The following TLL1 variants were observed in gnomAD, a reference collection of about 807,000 sequenced individuals.
The protein encoded by TLL1 is tolloid like 1.
In TLL1, 49 loss-of-function variants were observed where a neutral mutation model predicts 128.2. The observed-to-expected ratio is 0.38, with a 90% CI of 0.30 to 0.48. The LOEUF (loss-of-function observed/expected upper bound fraction) is 0.48, where lower values mean the gene tolerates loss of function less well. Among genes scored for constraint, TLL1 ranks in the 20% least tolerant of loss-of-function variants. The probability of loss-of-function intolerance (pLI) is 0.96; values close to 1 mark genes in which losing one functional copy is unlikely to be tolerated. For synonymous variants in TLL1, 454 were observed against 418.8 expected, an observed-to-expected ratio of 1.08 and a Z score of -1.03; for missense variants, 1,123 against 1,242.0, an observed-to-expected ratio of 0.90 and a Z score of 1.44.
intron 16 of TLL1, among the ~76,000 whole-genome samples, chr4:166,072,132 T>C (rs921308318): frequency 2.6e-5 from 4 of 152,022 alleles, no homozygotes; most frequent in Admixed American, 1.3e-4. Flanking sequence ...AGATGCTATT[T>C]TGATTAGTTC....
chr4:165,902,054 A>G (rs1732017727), intron 1 of TLL1, among the ~76,000 whole-genome samples: 1 of 152,104 alleles, frequency 6.6e-6, no homozygotes, highest in Non-Finnish European at 1.5e-5. Flanking sequence ...TGAGGGGAAA[A>G]CCGACTACTT....
At chr4:165,989,705 A>C (rs919666376) in intron 2 of TLL1, among the ~76,000 whole-genome samples, 1 of 150,042 alleles carries the variant, frequency 6.7e-6, no homozygotes, top group East Asian at 1.9e-4. Context: ...TATTTGCTAC[A>C]TACTAGGTCT....
chr4:166,043,560 C>A lies in TLL1; in HGVS notation c.1524+141C>A, dbSNP rs928029730. ...GAAGCAAAGGATCGCTCATAAAATGCAACATCAAGAGCAAAAGGGTTTTTT... is the reference window on the plus strand; with the variant it reads ...GAAGCAAAGGATCGCTCATAAAATGAAACATCAAGAGCAAAAGGGTTTTTT... On this transcript the variant is annotated intron_variant, in intron 12 of 20. Coordinates refer to ENST00000061240, the MANE Select transcript of TLL1 (RefSeq NM_012464.5). 9 of 1,256,254 alleles carry A rather than the reference C, an allele frequency of 7.2e-6. No individual in the cohort carries two copies. In the African/African-American group the frequency reaches 1.0e-4, roughly 15 times the overall value. The allele number at this position is 1,256,254 out of a possible 1,614,324, so 77.8% of individuals were successfully genotyped here.
intron 18 of TLL1, among the ~76,000 whole-genome samples, chr4:166,087,935 C>A (rs1340233685): frequency 6.6e-6 from 1 of 152,038 alleles, no homozygotes; most frequent in Non-Finnish European, 1.5e-5. Context: ...TGACTAGGGC[C>A]CATGGTTATT....
intron 9 of TLL1, among the ~76,000 whole-genome samples, chr4:166,033,122 T>C (rs966086360): frequency 3.3e-5 from 5 of 152,102 alleles, no homozygotes; most frequent in African/African-American, 1.2e-4. Context: ...CTCCTGAAAG[T>C]AGAAATTAAA....
chr4:165,881,437 C>A (rs1453318790), intron 1 of TLL1, among the ~76,000 whole-genome samples: 1 of 152,198 alleles, frequency 6.6e-6, no homozygotes, highest in Admixed American at 6.5e-5. Context: ...GATGACTTTC[C>A]TTTTTCAAAT....
chr4:166,057,280 A>G lies in TLL1; in HGVS notation c.1817A>G (p.Glu606Gly). ...SYQCACEPGY[E>G]LGPDRRSCEA... ...CAGTGTGCCTGTGAGCCTGGCTATG[A>G]GCTGGGCCCAGACAGAAGGAGCTGT... Residue 606 changes from glutamate to glycine, a missense_variant, in exon 14 of 21, where the codon GAG (glutamate) becomes GGG (glycine). Physicochemically the swap from Glu to Gly is moderately conservative, Grantham distance 98. Coordinates refer to ENST00000061240, the MANE Select transcript of TLL1 (RefSeq NM_012464.5). The G allele has an allele frequency of 6.2e-7, 1 of 1,613,890 alleles. No homozygotes were observed. Among genetic ancestry groups the G allele is most frequent in the Non-Finnish European group, 8.5e-7 (1 of 1,179,928 alleles).
intron 1 of TLL1, among the ~76,000 whole-genome samples, chr4:165,973,201 GAAGC>G (rs1735706699): frequency 6.6e-6 from 1 of 152,132 alleles, no homozygotes; most frequent in Admixed American, 6.5e-5. Context: ...AGGGATGAAA[GAAGC>G]AAGTAGTGGC....
rs138017521 is a variant in TLL1, at chr4:166,043,295, G to A, written c.1400G>A (p.Arg467His). 22 of 1,613,940 alleles carry A rather than the reference G, an allele frequency of 1.4e-5. No homozygotes were observed. In the African/African-American group the frequency reaches 2.1e-4, roughly 16 times the overall value. Residue 467 changes from arginine to histidine, a missense_variant, in exon 12 of 21, where the codon CGT (arginine) becomes CAT (histidine). This residue lies in a region of TLL1 where 634 missense variants were observed against 672.4 expected (regional missense o/e 0.94). Transcript: ENST00000061240. Reference sequence around the variant, plus strand: ...TCAGCGATCTGTGGAGGTGAGATACGTAAAAATGAAGGACAGATTCAGTCT... The same window carrying A: ...TCAGCGATCTGTGGAGGTGAGATACATAAAAATGAAGGACAGATTCAGTCT... ...VYEAICGGEI[R>H]KNEGQIQSPN...
chr4:166,082,625 A>T (rs1271154701), intron 18 of TLL1, among the ~76,000 whole-genome samples: 2 of 152,098 alleles, frequency 1.3e-5, no homozygotes, highest in Admixed American at 1.3e-4. Flanking sequence ...TGCGCAAAAT[A>T]AAAGCATTTT....
At chr4:165,915,591 C>T (rs1469128543) in intron 1 of TLL1, among the ~76,000 whole-genome samples, 2 of 152,244 alleles carry the variant, frequency 1.3e-5, no homozygotes, top group South Asian at 2.1e-4. Flanking sequence ...AAAACTGAGG[C>T]CCAAGTCGGC....
intron 1 of TLL1, among the ~76,000 whole-genome samples, chr4:165,886,077 C>A (rs888733200): frequency 2.0e-5 from 3 of 151,942 alleles, no homozygotes; most frequent in African/African-American, 4.8e-5. Context: ...ATTTTCAAAT[C>A]ATCGCCAAAG....
At chr4:165,932,784 A>G (rs1398676689) in intron 1 of TLL1, among the ~76,000 whole-genome samples, 2 of 152,036 alleles carry the variant, frequency 1.3e-5, no homozygotes, top group African/African-American at 4.8e-5. Context: ...CTTCTATTTT[A>G]TATGCATTGA....
At chr4:165,896,095 C>A (rs533801548) in intron 1 of TLL1, among the ~76,000 whole-genome samples, 1 of 152,034 alleles carries the variant, frequency 6.6e-6, no homozygotes, top group Non-Finnish European at 1.5e-5. Context: ...CCCCCTACCC[C>A]CAAGAGGCCC....
intron 12 of TLL1, 61 bp from the exon 13 acceptor site, chr4:166,055,015 C>A: frequency 1.5e-6 from 2 of 1,377,428 alleles, no homozygotes; most frequent in South Asian, 1.3e-5. Context: ...AGACATCTAT[C>A]CTCCTATATA....
chr4:165,947,217 A>T (rs1298573394), intron 1 of TLL1, among the ~76,000 whole-genome samples: 1 of 152,022 alleles, frequency 6.6e-6, no homozygotes, highest in Non-Finnish European at 1.5e-5. Flanking sequence ...GCTGGTGGGG[A>T]CAGGGTGCTC....
At position 166,101,224 on chromosome 4, in the gene TLL1, A is replaced by G. The variant is rs763728705; in HGVS notation, c.*348A>G. ...TGACCCTGCAGTGTTCTTTTTGACA[A>G]TTTGTCAAGATTTAGGGACATAAAA... On this transcript the variant is annotated 3_prime_UTR_variant, in exon 21 of 21. Transcript: ENST00000061240. The G allele has an allele frequency of 8.8e-5, 26 of 294,704 alleles. No individual in the cohort carries two copies. Among genetic ancestry groups the G allele is most frequent in the Non-Finnish European group, 1.5e-4 (23 of 153,384 alleles). The allele number at this position is 294,704 out of a possible 1,614,324, so 18.3% of individuals were successfully genotyped here. A position where few individuals can be genotyped will look rare whatever the true frequency, so the allele number is the denominator to read the frequency against.
At chr4:165,913,502 T>C (rs1017733464) in intron 1 of TLL1, among the ~76,000 whole-genome samples, 1 of 152,216 alleles carries the variant, frequency 6.6e-6, no homozygotes, top group Non-Finnish European at 1.5e-5. Flanking sequence ...TGATCCTTTT[T>C]AGGTATGAAG....
chr4:165,905,674 T>A (rs920396817), intron 1 of TLL1, among the ~76,000 whole-genome samples: 2 of 152,148 alleles, frequency 1.3e-5, no homozygotes, highest in Non-Finnish European at 2.9e-5. Flanking sequence ...ACACTCCTAC[T>A]TTTATAGAGG....
Sources: gnomAD v4.1 joint callset for allele counts (sites outside exome capture counted in the v4.1 genomes callset) on GRCh38, gnomAD v4.1.1 for gene constraint, gnomAD v4.1.1 regional missense constraint, MANE v1.5 for transcripts, NCBI Gene and HGNC (gene_info 2026-07-23, HGNC 2026-07-21) for gene names.